Variants in PPP2R2C observed in about 807,000 individuals in gnomAD.
PPP2R2C encodes protein phosphatase 2 regulatory subunit Bgamma, also known as protein phosphatase 2, regulatory subunit B, gamma.
A neutral mutation model predicts 45.3 loss-of-function variants in PPP2R2C; 10 were observed. The ratio of observed to expected loss-of-function variants is 0.22; its 90% confidence interval spans 0.14 to 0.37. The LOEUF (loss-of-function observed/expected upper bound fraction) is 0.37. Ranked by LOEUF, PPP2R2C falls within the 10% of genes least tolerant of loss-of-function variation. The pLI is 1.00. For missense variants in PPP2R2C, 308 were observed against 619.7 expected (o/e 0.50, Z 5.34); for synonymous variants, 257 against 245.4 (o/e 1.05, Z -0.44).
At chr4:6,558,868 C>T (rs930232382) in intron 1 of PPP2R2C, among the ~76,000 whole-genome samples, 4 of 152,216 alleles carry the variant, frequency 2.6e-5, no homozygotes, top group African/African-American at 9.7e-5. Context: ...CAGTGAGTCT[C>T]CATCACAGCC....
intron 2 of PPP2R2C, among the ~76,000 whole-genome samples, chr4:6,379,264 T>C (rs1715594443): frequency 6.6e-6 from 1 of 152,092 alleles, no homozygotes; most frequent in South Asian, 2.1e-4. Context: ...ACCGTGGAGC[T>C]CCCAGCATAG....
chr4:6,337,685 C>T (rs73795980), intron 6 of PPP2R2C, among the ~76,000 whole-genome samples: 128 of 152,210 alleles, frequency 8.4e-4, no homozygotes, highest in African/African-American at 2.6e-3. Flanking sequence ...CAGGGCAGAA[C>T]GAGTGGCCAA....
chr4:6,556,537 A>G (rs1050234197), intron 1 of PPP2R2C, among the ~76,000 whole-genome samples: 6 of 152,250 alleles, frequency 3.9e-5, no homozygotes, highest in East Asian at 1.9e-4. Context: ...CAGTGATCCT[A>G]TTGGCCCTGT....
chr4:6,489,931 G>T lies in PPP2R2C; in HGVS notation c.49+45340C>A, dbSNP rs1722645434. Among the ~76,000 whole-genome samples the T allele has an allele frequency of 2.0e-5, 3 of 152,244 alleles. No individual in the cohort carries two copies. In the Middle Eastern group the frequency reaches 0.01, roughly 518 times the overall value. On this transcript the variant is annotated intron_variant, in intron 2 of 9. Transcript: ENST00000506140. ...ACACTGGATTCAAGAAAAATAAATG[G>T]GCATAGAGCTAATCCCTCCCCTAGG... is the stretch of plus-strand genomic sequence containing the variant.
intron 2 of PPP2R2C, among the ~76,000 whole-genome samples, chr4:6,517,122 T>A (rs556529087): frequency 6.6e-6 from 1 of 152,294 alleles, no homozygotes; most frequent in East Asian, 1.9e-4. Context: ...GATGCCAATA[T>A]GTGGCCTCCT....
At chr4:6,472,632 C>G (rs1241900036), upstream of PPP2R2C, among the ~76,000 whole-genome samples, 1 of 147,274 alleles carries the variant, frequency 6.8e-6, no homozygotes, top group Non-Finnish European at 1.5e-5. Context: ...CTGGGGCCGC[C>G]GCCGCCGCCG....
At chr4:6,392,708 GCCTGAGCATTTTATTCTGCA>G (rs1716737746) in intron 1 of PPP2R2C, among the ~76,000 whole-genome samples, 1 of 152,190 alleles carries the variant, frequency 6.6e-6, no homozygotes, top group Non-Finnish European at 1.5e-5. Context: ...GCCGGGAGAG[GCCTGAGCATTTTATTCTGCA>G]TGAGCTGGGA....
chr4:6,513,767 C>A (rs1386387383), intron 2 of PPP2R2C, among the ~76,000 whole-genome samples: 5 of 152,214 alleles, frequency 3.3e-5, no homozygotes, highest in Admixed American at 6.5e-5. Context: ...GGCCACACCC[C>A]AGAAGGGGTG....
chr4:6,448,536 T>C (rs527419494), intron 1 of PPP2R2C, among the ~76,000 whole-genome samples: 14 of 152,124 alleles, frequency 9.2e-5, no homozygotes, highest in African/African-American at 3.1e-4. Context: ...CATGCATCAC[T>C]GGCCGAGGGG....
intron 1 of PPP2R2C, among the ~76,000 whole-genome samples, chr4:6,385,621 G>T (rs1465383706): frequency 1.3e-5 from 2 of 152,052 alleles, no homozygotes; most frequent in African/African-American, 4.8e-5. Context: ...CCAGGATGGA[G>T]TGCAGCGGTG....
At chr4:6,536,539 T>G (rs1182410685) in intron 1 of PPP2R2C, among the ~76,000 whole-genome samples, 1 of 152,222 alleles carries the variant, frequency 6.6e-6, no homozygotes, top group East Asian at 1.9e-4. Flanking sequence ...ACCAGAAACG[T>G]AGCACTTTTC....
chr4:6,511,567 GT>G (rs1723500987), intron 2 of PPP2R2C, among the ~76,000 whole-genome samples: 4 of 75,092 alleles, frequency 5.3e-5, no homozygotes, highest in Admixed American at 1.3e-4. Flanking sequence ...GGTGGTGGTG[GT>G]GGTGATGGCG....
chr4:6,448,857 C>A (rs1195493218), intron 1 of PPP2R2C, among the ~76,000 whole-genome samples: 11 of 152,214 alleles, frequency 7.2e-5, no homozygotes, highest in Non-Finnish European at 2.9e-5. Flanking sequence ...CGAAGGCTCA[C>A]GGAGGTCCTG....
Position 6,381,102 on chromosome 4 carries a change from G to T in PPP2R2C, c.71-8C>A. 6.4e-7 allele frequency: 1 copy of T among 1,573,186 alleles called. No homozygotes were observed. Among genetic ancestry groups the T allele is most frequent in the Non-Finnish European group, 8.6e-7 (1 of 1,157,274 alleles). ...CGGTAGAGATGATGTCAGCTGGGAG[G>T]GGAACAGCAAGACGGGAAGGGGTGG... On this transcript the variant is annotated splice_polypyrimidine_tract_variant and splice_region_variant and intron_variant, in intron 1 of 8. Coordinates refer to ENST00000382599, the MANE Select transcript of PPP2R2C (RefSeq NM_020416.4).
intron 2 of PPP2R2C, among the ~76,000 whole-genome samples, chr4:6,521,703 G>C (rs1560600703): frequency 6.6e-6 from 1 of 152,216 alleles, no homozygotes; most frequent in African/African-American, 2.4e-5. Context: ...CCCCTGGACT[G>C]GCCACCGGTC....
chr4:6,390,577 C>T (rs1191472874), intron 1 of PPP2R2C, among the ~76,000 whole-genome samples: 1 of 152,242 alleles, frequency 6.6e-6, no homozygotes, highest in Non-Finnish European at 1.5e-5. Context: ...AGCGCCAAGT[C>T]TGGGCGGAGT....
intron 5 of PPP2R2C, among the ~76,000 whole-genome samples, chr4:6,367,429 C>T (rs917620203): frequency 1.3e-5 from 2 of 152,026 alleles, no homozygotes; most frequent in Non-Finnish European, 2.9e-5. Flanking sequence ...CAAGCCTTCC[C>T]CTGGCTCTGC....
intron 6 of PPP2R2C, among the ~76,000 whole-genome samples, chr4:6,337,112 G>GTGTGTGTGTATA (rs1202845732): frequency 6.6e-5 from 2 of 30,106 alleles, no homozygotes; most frequent in African/African-American, 2.1e-4. Flanking sequence ...ATGTGTGTGT[G>GTGTGTGTGTATA]TATATATATA....
Position 6,479,699 on chromosome 4 carries a change from G to A in PPP2R2C, c.49+55572C>T, listed in dbSNP as rs140529821. On this transcript the variant is annotated intron_variant, in intron 2 of 9. Transcript: ENST00000506140. ...TGTGTTATCCCAGGACCTTTTCAAC[G>A]TAGAGTTTTGTTTTTACATAATCAT... is the stretch of plus-strand genomic sequence containing the variant. Among the ~76,000 whole-genome samples the A allele has an allele frequency of 7.1e-3, 1,073 of 151,426 alleles. 51 individuals are homozygous for A. The highest frequency in any genetic ancestry group is 0.065 in the Admixed American group (989 of 15,218).
Sources: allele counts gnomAD v4.1 joint callset (sites outside exome capture counted in the v4.1 genomes callset), GRCh38; gene constraint gnomAD v4.1.1; transcripts MANE v1.5; gene names NCBI Gene and HGNC (gene_info 2026-07-23, HGNC 2026-07-21).